The following SRGAP1 variants were observed in gnomAD, a reference collection of about 807,000 sequenced individuals.
The protein encoded by SRGAP1 is SLIT-ROBO Rho GTPase-activating protein 1.
Under a neutral mutation model 121.9 loss-of-function variants are expected in SRGAP1, and 43 were observed. That is an observed-to-expected ratio of 0.35 (90% CI 0.28 to 0.46). The LOEUF is 0.46. SRGAP1 is among the 20% of genes least tolerant of loss of function. The pLI, the probability that SRGAP1 is intolerant of heterozygous loss-of-function variation, is 1.00. For missense variants in SRGAP1, 1,102 were observed against 1,350.9 expected (o/e 0.82, Z 2.89); for synonymous variants, 447 against 485.4 (o/e 0.92, Z 1.04).
rs1353750470 is a variant in SRGAP1, at chr12:64,150,856, G to C, written c.*8184G>C. 5 of 145,944 alleles carry C rather than the reference G, an allele frequency of 3.4e-5. No homozygotes were observed. The highest frequency in any genetic ancestry group is 1.4e-4 in the Admixed American group (2 of 14,186). 9.0% of individuals were successfully genotyped at this position (145,944 alleles called of 1,614,324 possible). The stretch of plus-strand genomic sequence containing the variant: ...AGGCTGAGGCAGGAAGATTGCTTGA[G>C]CCCAGATGTTTGAGGCTGCAATAAG... On this transcript the variant is annotated 3_prime_UTR_variant, in exon 22 of 22. Transcript: ENST00000355086.
intron 21 of SRGAP1, among the ~76,000 whole-genome samples, chr12:64,128,755 AATAG>A (rs1300822802): frequency 1.3e-5 from 2 of 152,354 alleles, no homozygotes; most frequent in African/African-American, 2.4e-5. Flanking sequence ...TGTGATCAAT[AATAG>A]ATAGATATTT....
chr12:63,903,063 TTA>T (rs4045069), intron 1 of SRGAP1, among the ~76,000 whole-genome samples: 64,794 of 151,074 alleles, frequency 0.43, 14,271 homozygotes, highest in East Asian at 0.73. Context: ...GATTAAACTA[TTA>T]TATATATATA....
chr12:64,021,028 T>G (rs568648081), intron 4 of SRGAP1, among the ~76,000 whole-genome samples: 1 of 151,406 alleles, frequency 6.6e-6, no homozygotes, highest in Non-Finnish European at 1.5e-5. Context: ...CTCAAGCTCC[T>G]CCTACTGCAT....
chr12:64,117,544 A>G (rs947567644), intron 18 of SRGAP1, among the ~76,000 whole-genome samples: 1 of 152,130 alleles, frequency 6.6e-6, no homozygotes, highest in Non-Finnish European at 1.5e-5. Context: ...CTTCATGGTA[A>G]TTTTACTTCG....
intron 21 of SRGAP1, among the ~76,000 whole-genome samples, chr12:64,137,952 T>TAAA (rs142595703): frequency 0.098 from 13,645 of 138,738 alleles, 936 homozygotes; most frequent in East Asian, 0.25. Context: ...TAATTGTGCT[T>TAAA]AAAAAAAAAA....
At chr12:63,978,038 G>T (rs1301170391) in intron 1 of SRGAP1, among the ~76,000 whole-genome samples, 2 of 152,130 alleles carry the variant, frequency 1.3e-5, no homozygotes, top group Admixed American at 6.5e-5. Context: ...TTGGGCTCAT[G>T]AAATCCTTTT....
intron 15 of SRGAP1, among the ~76,000 whole-genome samples, chr12:64,104,615 A>G (rs2036310375): frequency 6.6e-6 from 1 of 152,220 alleles, no homozygotes; most frequent in Admixed American, 6.5e-5. Context: ...CTCCTGTAGG[A>G]TACACATTGC....
intron 1 of SRGAP1, 122 bp from the exon 2 acceptor site, chr12:63,983,800 ATATATATATATATATATATATATAT>A: frequency 1.2e-3 from 1 of 828 alleles, no homozygotes; most frequent in East Asian, 0.042. Flanking sequence ...CATTTAAAAT[ATATATATATATATATATATATATAT>A]ATATATATAT....
chr12:63,898,421 A>AT (rs1900824150), intron 1 of SRGAP1, among the ~76,000 whole-genome samples: 1 of 152,232 alleles, frequency 6.6e-6, no homozygotes, highest in South Asian at 2.1e-4. Context: ...TTCCTTGGAC[A>AT]TTTAATGTAT....
chr12:64,062,895 T>G, intron 6 of SRGAP1, 22 bp from the exon 7 acceptor site: 1 of 1,579,826 alleles, frequency 6.3e-7, no homozygotes, highest in Middle Eastern at 1.7e-4. Flanking sequence ...TTTTTGTATG[T>G]GGTGTTCTTT....
chr12:64,091,161 G>T, intron 11 of SRGAP1, 115 bp from the exon 12 acceptor site: 1 of 535,096 alleles, frequency 1.9e-6, no homozygotes, highest in Non-Finnish European at 3.1e-6. Context: ...CCCTGTGATT[G>T]GGGGAGGGGA....
chr12:64,019,584 C>G (rs556203752), intron 4 of SRGAP1, among the ~76,000 whole-genome samples: 21 of 152,292 alleles, frequency 1.4e-4, no homozygotes, highest in Admixed American at 1.4e-3. Context: ...CACACCCTCT[C>G]CCTTTTTATT....
intron 1 of SRGAP1, among the ~76,000 whole-genome samples, chr12:63,968,599 A>G (rs2032849117): frequency 6.6e-6 from 1 of 152,164 alleles, no homozygotes; most frequent in Non-Finnish European, 1.5e-5. Flanking sequence ...TCCATGTGTA[A>G]GGCTCACAGG....
chr12:64,041,090 G>T (rs894775139), intron 4 of SRGAP1, among the ~76,000 whole-genome samples: 1 of 151,828 alleles, frequency 6.6e-6, no homozygotes, highest in Non-Finnish European at 1.5e-5. Context: ...ATTTCTAAGA[G>T]AATAAATTAG....
At chr12:63,873,718 G>T (rs1899934594) in intron 1 of SRGAP1, among the ~76,000 whole-genome samples, 2 of 151,596 alleles carry the variant, frequency 1.3e-5, no homozygotes, top group Non-Finnish European at 2.9e-5. Context: ...GCCCAGGCTG[G>T]AGTACAGTGG....
At chr12:63,888,355 T>C (rs1900462290) in intron 1 of SRGAP1, 1 of 152,230 alleles carries the variant, frequency 6.6e-6, no homozygotes, top group Non-Finnish European at 1.5e-5. Flanking sequence ...TTTTTCCACT[T>C]GTGTCTTTAT....
chr12:63,858,367 C>T (rs1899325970), intron 1 of SRGAP1, among the ~76,000 whole-genome samples: 1 of 151,708 alleles, frequency 6.6e-6, no homozygotes, highest in South Asian at 2.1e-4. Flanking sequence ...CTTCACTTTG[C>T]TGCCCAGGCT....
At chr12:63,934,995 T>G (rs1479236550) in intron 1 of SRGAP1, among the ~76,000 whole-genome samples, 1 of 152,188 alleles carries the variant, frequency 6.6e-6, no homozygotes, top group Non-Finnish European at 1.5e-5. Context: ...GCTTTGTCTT[T>G]GGGCGTTGTC....
chr12:64,060,131 C>A (rs1389889331), intron 6 of SRGAP1, among the ~76,000 whole-genome samples: 6 of 151,394 alleles, frequency 4.0e-5, no homozygotes, highest in Non-Finnish European at 7.4e-5. Context: ...CAGGATCCTG[C>A]ATTTCTTTTT....
Sources: gnomAD v4.1 joint callset for allele counts (sites outside exome capture counted in the v4.1 genomes callset) on GRCh38, gnomAD v4.1.1 for gene constraint, MANE v1.5 for transcripts, NCBI Gene and HGNC (gene_info 2026-07-23, HGNC 2026-07-21) for gene names.